Variants in LPP observed in about 807,000 individuals in gnomAD.
The protein encoded by LPP is lipoma-preferred partner.
Under a neutral mutation model 60.4 loss-of-function variants are expected in LPP, and 38 were observed. That is an observed-to-expected ratio of 0.63 (90% CI 0.49 to 0.83). The LOEUF (loss-of-function observed/expected upper bound fraction) is 0.83, where lower values mean the gene tolerates loss of function less well. Ranked by LOEUF, LPP falls within the 40% of genes least tolerant of loss-of-function variation. The pLI, the probability that LPP is intolerant of heterozygous loss-of-function variation, is 0.00. For synonymous variants in LPP, 328 were observed against 290.8 expected (o/e 1.13, Z -1.30); for missense variants, 902 against 783.6 (o/e 1.15, Z -1.80).
chr3:188,559,432 A>G (rs183913020), intron 6 of LPP, among the ~76,000 whole-genome samples: 1 of 152,258 alleles, frequency 6.6e-6, no homozygotes, highest in Admixed American at 6.5e-5. Context: ...CACTTTGCAC[A>G]TTATGATAAG....
At chr3:188,211,528 C>G (rs1197487973) in intron 1 of LPP, among the ~76,000 whole-genome samples, 2 of 152,146 alleles carry the variant, frequency 1.3e-5, no homozygotes, top group Non-Finnish European at 2.9e-5. Context: ...TGTCTGATCT[C>G]TCTTTCTCCT....
chr3:188,185,763 C>CTCTCA (rs1726416098), intron 1 of LPP, among the ~76,000 whole-genome samples: 1 of 152,178 alleles, frequency 6.6e-6, no homozygotes, highest in Admixed American at 6.5e-5. Context: ...TTCTGTCGTT[C>CTCTCA]TCTCATGGTG....
chr3:188,154,274 T>TC (rs1379111230), intron 1 of LPP, among the ~76,000 whole-genome samples, 22 bp downstream of exon 1: 1 of 151,596 alleles, frequency 6.6e-6, no homozygotes, highest in Non-Finnish European at 1.5e-5. Flanking sequence ...AATCCTTCCT[T>TC]CCCCTCACCC....
intron 7 of LPP, among the ~76,000 whole-genome samples, chr3:188,685,211 A>C (rs901962371): frequency 2.6e-5 from 4 of 152,196 alleles, no homozygotes; most frequent in Non-Finnish European, 5.9e-5. Flanking sequence ...TGAGGGAGTG[A>C]GAGAAGGAGG....
chr3:188,536,489 A>T (rs1823659025), intron 6 of LPP, among the ~76,000 whole-genome samples: 1 of 152,226 alleles, frequency 6.6e-6, no homozygotes, highest in African/African-American at 2.4e-5. Context: ...TAATTGTCTA[A>T]ATCTAAGTCA....
At chr3:188,351,120 G>A (rs891273646) in intron 3 of LPP, among the ~76,000 whole-genome samples, 1 of 152,158 alleles carries the variant, frequency 6.6e-6, no homozygotes, top group Non-Finnish European at 1.5e-5. Flanking sequence ...TTGAATTTAA[G>A]GATTACTTTC....
chr3:188,557,451 A>G (rs1829743546), intron 6 of LPP, among the ~76,000 whole-genome samples: 1 of 152,216 alleles, frequency 6.6e-6, no homozygotes, highest in Admixed American at 6.5e-5. Flanking sequence ...TCATGAGCAA[A>G]TATCTGTTGC....
chr3:188,657,596 G>C (rs1853581172), intron 7 of LPP, among the ~76,000 whole-genome samples: 2 of 151,904 alleles, frequency 1.3e-5, no homozygotes, highest in Non-Finnish European at 2.9e-5. Context: ...CTGTACTCCA[G>C]AGCCTGATAT....
In LPP at chr3:188,730,640, C is replaced by T. The variant is rs1219260887; in HGVS notation, c.1240+22247C>T. The stretch of plus-strand genomic sequence containing the variant: ...ATGATAGGAGGAGAAATTTTATCAA[C>T]TAAAAGGGGTTGTGTCAATAAGTGT... On this transcript the variant is annotated intron_variant, in intron 8 of 11. Transcript: ENST00000617246. 7.2e-5 allele frequency among the ~76,000 whole-genome samples: 11 copies of T among 152,290 alleles called. No individual in the cohort carries two copies. In the East Asian group the frequency reaches 9.7e-4, roughly 13 times the overall value.
chr3:188,523,688 C>T (rs941501458), intron 5 of LPP, among the ~76,000 whole-genome samples: 1 of 152,192 alleles, frequency 6.6e-6, no homozygotes, highest in Non-Finnish European at 1.5e-5. Flanking sequence ...TGATATTTTA[C>T]GTCCTTAGAC....
intron 3 of LPP, among the ~76,000 whole-genome samples, chr3:188,376,097 C>T (rs867563937): frequency 0.016 from 2,473 of 152,206 alleles, 77 homozygotes; most frequent in African/African-American, 0.056. Flanking sequence ...TGTTCTTTTA[C>T]ATTTGCTGAG....
intron 6 of LPP, among the ~76,000 whole-genome samples, chr3:188,581,634 A>C (rs1580146561): frequency 6.6e-6 from 1 of 151,924 alleles, no homozygotes; most frequent in South Asian, 2.1e-4. Context: ...CTCAGGGCCC[A>C]ACTCACTCAT....
intron 6 of LPP, among the ~76,000 whole-genome samples, chr3:188,575,863 C>A (rs1341759480): frequency 6.6e-6 from 1 of 152,058 alleles, no homozygotes; most frequent in Non-Finnish European, 1.5e-5. Context: ...TCTATTCTAT[C>A]AAGCCAAACA....
At chr3:188,164,658 G>A (rs1187247573) in intron 1 of LPP, among the ~76,000 whole-genome samples, 1 of 152,196 alleles carries the variant, frequency 6.6e-6, no homozygotes, top group Admixed American at 6.5e-5. Flanking sequence ...TTCTTAGAAT[G>A]AGGTGAAAGA....
intron 8 of LPP, among the ~76,000 whole-genome samples, chr3:188,752,250 A>G (rs1251343205): frequency 1.3e-5 from 2 of 152,162 alleles, no homozygotes; most frequent in Non-Finnish European, 2.9e-5. Context: ...AAACTCACCA[A>G]GTGCATTTGT....
Position 188,855,914 on chromosome 3 carries a change from CAG to C in LPP, c.1411-10283_1411-10282del, listed in dbSNP as rs576792799. 2.0e-3 allele frequency among the ~76,000 whole-genome samples: 300 copies of C among 152,314 alleles called. 3 individuals are homozygous for C. The highest frequency in any genetic ancestry group is 7.0e-3 in the African/African-American group (292 of 41,568). ...TATTTCTCCTTGCCACTGAGCCATA[CAG>C]AGTCTCTGTAACCATCTATGTCAGC... On this transcript the variant is annotated intron_variant, in intron 9 of 11. Transcript: ENST00000617246.
chr3:188,200,245 A>ATTTT (rs532406589), intron 1 of LPP, among the ~76,000 whole-genome samples: 1 of 139,832 alleles, frequency 7.2e-6, no homozygotes, highest in African/African-American at 2.6e-5. Flanking sequence ...GGGTTTAAGA[A>ATTTT]TTTTTTTTTT....
At chr3:188,250,683 C>T (rs533611225) in intron 2 of LPP, among the ~76,000 whole-genome samples, 82 of 152,026 alleles carry the variant, frequency 5.4e-4, no homozygotes, top group Admixed American at 1.1e-3. Flanking sequence ...CCCTCCCTCC[C>T]GCTCTCTCTC....
intron 6 of LPP, among the ~76,000 whole-genome samples, chr3:188,558,538 T>C (rs1339809796): frequency 1.3e-5 from 2 of 152,120 alleles, no homozygotes; most frequent in Admixed American, 6.6e-5. Flanking sequence ...GTAGGAAGTG[T>C]GTTTGAGTGT....
Sources: allele counts gnomAD v4.1 joint callset (sites outside exome capture counted in the v4.1 genomes callset), GRCh38; gene constraint gnomAD v4.1.1; transcripts MANE v1.5; gene names NCBI Gene and HGNC (gene_info 2026-07-23, HGNC 2026-07-21).